SLC24A2: variants seen among roughly 807,000 people sequenced by gnomAD.
The protein encoded by SLC24A2 is solute carrier family 24 member 2, also known as sodium/potassium/calcium exchanger 2.
Under a neutral mutation model 62.0 loss-of-function variants are expected in SLC24A2, and 36 were observed. That is an observed-to-expected ratio of 0.58 (90% CI 0.44 to 0.77). SLC24A2 has a LOEUF of 0.77. Ranked by LOEUF, SLC24A2 falls within the 30% of genes least tolerant of loss-of-function variation. The pLI, the probability that SLC24A2 is intolerant of heterozygous loss-of-function variation, is 0.00. For synonymous variants in SLC24A2, 358 were observed against 294.0 expected (o/e 1.22, Z -2.23); for missense variants, 846 against 817.9 (o/e 1.03, Z -0.42).
chr9:20,224,761 A>G, the SLC24A2 span, among the ~76,000 whole-genome samples: 2 of 152,068 alleles, frequency 1.3e-5, no homozygotes, highest in African/African-American at 2.4e-5. Flanking sequence ...TGGAAGGTGT[A>G]GTCCATGCTG....
At chr9:19,739,214 A>G (rs911323957) in intron 2 of SLC24A2, among the ~76,000 whole-genome samples, 1 of 152,254 alleles carries the variant, frequency 6.6e-6, no homozygotes, top group African/African-American at 2.4e-5. Context: ...AGAAGTCTAA[A>G]TCAATGGAAA....
At chr9:19,735,758 A>T (rs943527910) in intron 2 of SLC24A2, among the ~76,000 whole-genome samples, 1 of 152,042 alleles carries the variant, frequency 6.6e-6, no homozygotes, top group African/African-American at 2.4e-5. Context: ...TATCGCAAGG[A>T]CAAAAAACCA....
At chr9:20,266,221 T>C in the SLC24A2 span, among the ~76,000 whole-genome samples, 2 of 152,316 alleles carry the variant, frequency 1.3e-5, no homozygotes, top group Non-Finnish European at 2.9e-5. Context: ...AAATCACTAA[T>C]AAAAACTTGC....
chr9:20,241,999 G>A, the SLC24A2 span, among the ~76,000 whole-genome samples: 1 of 152,076 alleles, frequency 6.6e-6, no homozygotes, highest in Non-Finnish European at 1.5e-5. Flanking sequence ...AAATTCTAAT[G>A]ACCTGCCAGC....
At chr9:19,832,418 T>A in the SLC24A2 span, among the ~76,000 whole-genome samples, 1 of 152,284 alleles carries the variant, frequency 6.6e-6, no homozygotes, top group South Asian at 2.1e-4. Context: ...TCTGTCAAAA[T>A]GATCAACCAA....
the SLC24A2 span, among the ~76,000 whole-genome samples, chr9:20,254,170 G>C: frequency 6.6e-6 from 1 of 152,310 alleles, no homozygotes; most frequent in South Asian, 2.1e-4. Context: ...ATTGCAGAAT[G>C]ACTTTCATTA....
chr9:19,832,493 C>T, the SLC24A2 span, among the ~76,000 whole-genome samples: 16 of 152,246 alleles, frequency 1.1e-4, no homozygotes, highest in Non-Finnish European at 1.6e-4. Flanking sequence ...AATGGGGAAA[C>T]GATTCCCTAT....
intron 7 of SLC24A2, among the ~76,000 whole-genome samples, chr9:19,555,927 C>A (rs7048547): frequency 6.6e-6 from 1 of 151,976 alleles, no homozygotes; most frequent in Non-Finnish European, 1.5e-5. Context: ...CCTGGCAACA[C>A]AGACTCCATC....
chr9:19,687,436 G>A (rs1273952998), intron 2 of SLC24A2, among the ~76,000 whole-genome samples: 1 of 152,072 alleles, frequency 6.6e-6, no homozygotes, highest in Non-Finnish European at 1.5e-5. Context: ...AGACTCGAAG[G>A]TGAAATCAAT....
chr9:19,770,271 C>T (rs73646148), intron 2 of SLC24A2, among the ~76,000 whole-genome samples: 1,870 of 151,918 alleles, frequency 0.012, 49 homozygotes, highest in African/African-American at 0.042. Flanking sequence ...TTTTGGATCT[C>T]GGTTCTGTTC....
At chr9:20,194,579 A>G in the SLC24A2 span, among the ~76,000 whole-genome samples, 1 of 152,192 alleles carries the variant, frequency 6.6e-6, no homozygotes, top group African/African-American at 2.4e-5. Flanking sequence ...AATGCCAGCA[A>G]TATCAAATTG....
chr9:20,169,001 A>G, the SLC24A2 span, among the ~76,000 whole-genome samples: 1 of 152,076 alleles, frequency 6.6e-6, no homozygotes, highest in Non-Finnish European at 1.5e-5. Flanking sequence ...TATACACACA[A>G]TGAAAAATTA....
the SLC24A2 span, among the ~76,000 whole-genome samples, chr9:20,284,281 AT>A: frequency 2.0e-3 from 305 of 149,244 alleles, no homozygotes; most frequent in African/African-American, 6.9e-3. Flanking sequence ...GTTTTCAGGT[AT>A]TTTTTTTTTT....
intron 2 of SLC24A2, among the ~76,000 whole-genome samples, chr9:19,668,704 T>C (rs1026869425): frequency 6.6e-5 from 10 of 152,200 alleles, no homozygotes; most frequent in Admixed American, 5.2e-4. Context: ...TCCTCTCCTG[T>C]GCATCCTACG....
chr9:20,178,354 G>A, the SLC24A2 span, among the ~76,000 whole-genome samples: 1 of 152,170 alleles, frequency 6.6e-6, no homozygotes, highest in Non-Finnish European at 1.5e-5. Flanking sequence ...CCCCAGTGCA[G>A]TGTGCAAAGG....
the SLC24A2 span, among the ~76,000 whole-genome samples, chr9:19,912,100 G>A: frequency 2.6e-5 from 4 of 152,198 alleles, no homozygotes; most frequent in South Asian, 4.1e-4. Context: ...ATGGAGTGTC[G>A]TGGAGGTATT....
chr9:19,544,497 G>A (rs766754635), intron 8 of SLC24A2, among the ~76,000 whole-genome samples: 1 of 152,088 alleles, frequency 6.6e-6, no homozygotes, highest in Non-Finnish European at 1.5e-5. Flanking sequence ...TATTTTGCCT[G>A]TTAGTTGATG....
In SLC24A2 at chr9:19,508,194, G is replaced by A. The variant is rs1236381560; in HGVS notation, c.*7959C>T. On this transcript the variant is annotated 3_prime_UTR_variant, in exon 11 of 11. Coordinates refer to ENST00000341998, the MANE Select transcript of SLC24A2 (RefSeq NM_020344.4). Reference sequence around the variant, plus strand: ...AGAAGAAATATCAAGGCTAGATGCAGGGTATATATGTGTACTTTGTGTTCA... The same window carrying A: ...AGAAGAAATATCAAGGCTAGATGCAAGGTATATATGTGTACTTTGTGTTCA... The A allele has an allele frequency of 6.6e-6, 1 of 152,118 alleles. No individual in the cohort carries two copies. The highest frequency in any genetic ancestry group is 2.4e-5 in the African/African-American group (1 of 41,414). The allele number at this position is 152,118 out of a possible 1,614,324, so 9.4% of individuals were successfully genotyped here.
At chr9:19,611,471 G>A (rs530992301) in intron 4 of SLC24A2, among the ~76,000 whole-genome samples, 53 of 151,940 alleles carry the variant, frequency 3.5e-4, no homozygotes, top group African/African-American at 1.3e-3. Flanking sequence ...GAGGAAGAGA[G>A]GAGGCGGGAG....
Sources: allele counts gnomAD v4.1 joint callset (sites outside exome capture counted in the v4.1 genomes callset), GRCh38; gene constraint gnomAD v4.1.1; transcripts MANE v1.5; gene names NCBI Gene and HGNC (gene_info 2026-07-23, HGNC 2026-07-21).